Variants in RABGAP1L observed in about 807,000 individuals in gnomAD.
RABGAP1L encodes rab GTPase-activating protein 1-like.
Under a neutral mutation model 137.7 loss-of-function variants are expected in RABGAP1L, and 63 were observed. The observed-to-expected ratio is 0.46, with a 90% confidence interval of 0.37 to 0.56. RABGAP1L has a LOEUF of 0.56. RABGAP1L is among the 20% of genes least tolerant of loss of function. The pLI, the probability that RABGAP1L is intolerant of heterozygous loss-of-function variation, is 0.00. For missense variants in RABGAP1L, 1,095 were observed against 1,244.0 expected (o/e 0.88, Z 1.80); for synonymous variants, 431 against 433.7 (o/e 0.99, Z 0.08).
At chr1:174,229,776 A>G (rs897012861) in intron 3 of RABGAP1L, among the ~76,000 whole-genome samples, 4 of 152,212 alleles carry the variant, frequency 2.6e-5, no homozygotes, top group Non-Finnish European at 5.9e-5. Context: ...CTTTGGGTAT[A>G]TACCCAGTAA....
intron 18 of RABGAP1L, among the ~76,000 whole-genome samples, chr1:174,755,090 G>T (rs1684630759): frequency 6.6e-6 from 1 of 152,182 alleles, no homozygotes; most frequent in African/African-American, 2.4e-5. Flanking sequence ...TAAGACTTTT[G>T]TCTCAGTAGT....
At chr1:174,966,248 G>T (rs1304417640) in intron 20 of RABGAP1L, among the ~76,000 whole-genome samples, 1 of 152,178 alleles carries the variant, frequency 6.6e-6, no homozygotes, top group African/African-American at 2.4e-5. Context: ...GTACTTTGGG[G>T]TTATACAAGT....
At chr1:174,359,779 C>T (rs765971156) in intron 11 of RABGAP1L, among the ~76,000 whole-genome samples, 21 of 152,214 alleles carry the variant, frequency 1.4e-4, no homozygotes, top group Non-Finnish European at 2.8e-4. Context: ...CTTAACCTCT[C>T]TCTGCCTCAA....
chr1:174,705,963 A>C (rs1680012396), intron 17 of RABGAP1L, among the ~76,000 whole-genome samples: 1 of 152,164 alleles, frequency 6.6e-6, no homozygotes, highest in Non-Finnish European at 1.5e-5. Flanking sequence ...TTAAAAATGG[A>C]AGGATAGGAA....
intron 11 of RABGAP1L, among the ~76,000 whole-genome samples, chr1:174,346,846 G>A (rs1188092747): frequency 6.6e-6 from 1 of 151,788 alleles, no homozygotes; most frequent in South Asian, 2.1e-4. Flanking sequence ...CTTTTTTGAT[G>A]TAGGTGCTTA....
At chr1:174,163,623 A>C (rs1664682982) in intron 1 of RABGAP1L, among the ~76,000 whole-genome samples, 1 of 151,884 alleles carries the variant, frequency 6.6e-6, no homozygotes, top group Non-Finnish European at 1.5e-5. Context: ...AAAAAAAAAA[A>C]AACCCAACAA....
intron 14 of RABGAP1L, among the ~76,000 whole-genome samples, chr1:174,650,018 A>G (rs60865584): frequency 0.078 from 11,924 of 152,070 alleles, 659 homozygotes; most frequent in East Asian, 0.32. Context: ...ATCAATACCT[A>G]ATTTATTGAG....
intron 18 of RABGAP1L, among the ~76,000 whole-genome samples, chr1:174,793,071 G>C (rs945022055): frequency 6.6e-6 from 1 of 152,042 alleles, no homozygotes; most frequent in Non-Finnish European, 1.5e-5. Flanking sequence ...GGCAGAGGTT[G>C]CAGTGAGCCA....
At chr1:174,436,161 G>A (rs1653272835) in intron 13 of RABGAP1L, among the ~76,000 whole-genome samples, 1 of 152,132 alleles carries the variant, frequency 6.6e-6, no homozygotes, top group African/African-American at 2.4e-5. Context: ...AATCCTTTGG[G>A]TATATACCCA....
intron 17 of RABGAP1L, among the ~76,000 whole-genome samples, chr1:174,732,307 G>T (rs758107318): frequency 6.6e-6 from 1 of 152,120 alleles, no homozygotes; most frequent in Non-Finnish European, 1.5e-5. Context: ...AGTAAAAGTT[G>T]TAAGAACCAT....
intron 17 of RABGAP1L, among the ~76,000 whole-genome samples, chr1:174,714,838 G>T (rs1401824796): frequency 6.6e-6 from 1 of 152,072 alleles, no homozygotes; most frequent in Non-Finnish European, 1.5e-5. Context: ...GGGCCTAAAA[G>T]ATCTCTAAGT....
chr1:174,300,211 G>C (rs1023719882), intron 10 of RABGAP1L, among the ~76,000 whole-genome samples: 3 of 152,096 alleles, frequency 2.0e-5, no homozygotes, highest in Admixed American at 1.3e-4. Context: ...GGACACTTCA[G>C]GGTCCCCTGA....
intron 19 of RABGAP1L, among the ~76,000 whole-genome samples, chr1:174,891,318 C>G (rs976398045): frequency 2.0e-5 from 3 of 152,054 alleles, no homozygotes; most frequent in African/African-American, 7.2e-5. Flanking sequence ...GGGAGTTGAT[C>G]ATGATAGGTT....
At chr1:174,899,633 C>T (rs897505590) in intron 19 of RABGAP1L, among the ~76,000 whole-genome samples, 4 of 152,172 alleles carry the variant, frequency 2.6e-5, no homozygotes, top group Non-Finnish European at 5.9e-5. Context: ...ATCCATCCTG[C>T]TCTCTGTTCT....
chr1:174,388,641 A>C (rs547973096), intron 12 of RABGAP1L, among the ~76,000 whole-genome samples: 1 of 152,114 alleles, frequency 6.6e-6, no homozygotes, highest in Non-Finnish European at 1.5e-5. Context: ...AGGATTAGGC[A>C]GAATAATATC....
intron 18 of RABGAP1L, among the ~76,000 whole-genome samples, chr1:174,770,841 TATTCAAC>T (rs1686062303): frequency 2.0e-5 from 3 of 152,226 alleles, no homozygotes. Flanking sequence ...TTAGTTCACT[TATTCAAC>T]AGATATTCAC....
intron 18 of RABGAP1L, among the ~76,000 whole-genome samples, chr1:174,759,200 A>G (rs1558051280): frequency 6.6e-6 from 1 of 151,884 alleles, no homozygotes; most frequent in Non-Finnish European, 1.5e-5. Context: ...AGAGAAAGAT[A>G]GTAATTAAAC....
intron 19 of RABGAP1L, among the ~76,000 whole-genome samples, chr1:174,855,468 G>C (rs1649140978): frequency 6.6e-6 from 1 of 152,194 alleles, no homozygotes; most frequent in African/African-American, 2.4e-5. Context: ...CTTTGCTTAA[G>C]AGTCAGAAGG....
At chr1:174,806,808 C>G (rs767830670) in intron 18 of RABGAP1L, among the ~76,000 whole-genome samples, 9 of 152,180 alleles carry the variant, frequency 5.9e-5, no homozygotes, top group Admixed American at 2.6e-4. Context: ...TATTTTGAGA[C>G]AAGGTCTCAC....
Sources: allele counts gnomAD v4.1 joint callset (sites outside exome capture counted in the v4.1 genomes callset), GRCh38; gene constraint gnomAD v4.1.1; transcripts MANE v1.5; gene names NCBI Gene and HGNC (gene_info 2026-07-23, HGNC 2026-07-21).